Variants in ASB3 observed in about 807,000 individuals in gnomAD.
ASB3 encodes ankyrin repeat and SOCS box protein 3.
In ASB3, 41 loss-of-function variants were observed where a neutral mutation model predicts 54.5. That is an observed-to-expected ratio of 0.75 (90% confidence interval 0.59 to 0.98). The LOEUF (loss-of-function observed/expected upper bound fraction) is 0.98. ASB3 is among the 50% of genes least tolerant of loss of function. The pLI is 0.00. For synonymous variants in ASB3, 266 were observed against 221.2 expected, an observed-to-expected ratio of 1.20 and a Z score of -1.80; for missense variants, 733 against 620.0, an observed-to-expected ratio of 1.18 and a Z score of -1.94.
intron 9 of ASB3, among the ~76,000 whole-genome samples, chr2:53,675,024 T>C (rs1325875999): frequency 6.6e-6 from 1 of 152,196 alleles, no homozygotes; most frequent in East Asian, 1.9e-4. Context: ...ACTAGCTGTG[T>C]GACCCTGGGC....
At chr2:53,763,286 G>A (rs1175519345) in intron 2 of ASB3, among the ~76,000 whole-genome samples, 1 of 152,182 alleles carries the variant, frequency 6.6e-6, no homozygotes, top group South Asian at 2.1e-4. Context: ...TTGAATCTGG[G>A]AGGTGGAGGT....
chr2:53,767,199 T>A (rs1187224317), intron 1 of ASB3: 9 of 152,128 alleles, frequency 5.9e-5, no homozygotes, highest in Non-Finnish European at 1.2e-4. Context: ...AACAAGCCAA[T>A]GATAATACTA....
chr2:53,759,977 C>G (rs1673053575), intron 2 of ASB3, among the ~76,000 whole-genome samples: 1 of 152,192 alleles, frequency 6.6e-6, no homozygotes, highest in Non-Finnish European at 1.5e-5. Flanking sequence ...CAGTCTTACT[C>G]TCCTGTCCTG....
At chr2:53,713,230 G>A (rs1184290536) in intron 7 of ASB3, among the ~76,000 whole-genome samples, 1 of 152,128 alleles carries the variant, frequency 6.6e-6, no homozygotes. Flanking sequence ...CATGGCAAAT[G>A]TTAAGAGATA....
chr2:53,710,856 G>A (rs1670054056), intron 7 of ASB3, among the ~76,000 whole-genome samples: 1 of 152,118 alleles, frequency 6.6e-6, no homozygotes, highest in Non-Finnish European at 1.5e-5. Context: ...GCTGGGTGCT[G>A]TGGCTCACGC....
chr2:53,719,316 G>A (rs1002479172), intron 5 of ASB3, among the ~76,000 whole-genome samples: 11 of 152,212 alleles, frequency 7.2e-5, no homozygotes, highest in Admixed American at 1.3e-4. Context: ...AGAGCTTTGA[G>A]AGGCCGAAGT....
intron 5 of ASB3, among the ~76,000 whole-genome samples, chr2:53,719,290 T>A (rs950181503): frequency 4.6e-5 from 7 of 152,188 alleles, no homozygotes; most frequent in Non-Finnish European, 8.8e-5. Context: ...GCACAGTGGC[T>A]CACGCCTATA....
chr2:53,746,791 T>C (rs901257350), intron 3 of ASB3, among the ~76,000 whole-genome samples: 2 of 152,162 alleles, frequency 1.3e-5, no homozygotes, highest in African/African-American at 2.4e-5. Flanking sequence ...TTCCACATTA[T>C]GTTTTTACAA....
intron 1 of ASB3, among the ~76,000 whole-genome samples, chr2:53,772,734 G>A (rs974964064): frequency 7.2e-5 from 11 of 152,130 alleles, no homozygotes; most frequent in African/African-American, 2.4e-4. Flanking sequence ...GAGTACATGT[G>A]CAGGATGTGC....
At chr2:53,784,859 G>A (rs946289016) in intron 1 of ASB3, among the ~76,000 whole-genome samples, 1 of 152,020 alleles carries the variant, frequency 6.6e-6, no homozygotes, top group African/African-American at 2.4e-5. Flanking sequence ...TCTTTTTGGG[G>A]AACACAATTC....
intron 1 of ASB3, among the ~76,000 whole-genome samples, chr2:53,778,413 T>G (rs1277263392): frequency 6.6e-6 from 1 of 152,190 alleles, no homozygotes; most frequent in Non-Finnish European, 1.5e-5. Context: ...ATTTTTTTTG[T>G]AGTGAAAACT....
intron 3 of ASB3, among the ~76,000 whole-genome samples, chr2:53,744,013 A>G (rs1417088101): frequency 1.3e-5 from 2 of 151,474 alleles, no homozygotes; most frequent in Non-Finnish European, 2.9e-5. Context: ...ACTGCACTCC[A>G]GCCTGGGTGA....
At chr2:53,758,099 A>T (rs1672936824) in intron 2 of ASB3, among the ~76,000 whole-genome samples, 1 of 152,260 alleles carries the variant, frequency 6.6e-6, no homozygotes, top group Non-Finnish European at 1.5e-5. Flanking sequence ...TTTAAAAGCC[A>T]GGGTAAATTT....
At chr2:53,738,594 T>G (rs1332899266) in intron 3 of ASB3, among the ~76,000 whole-genome samples, 1 of 152,144 alleles carries the variant, frequency 6.6e-6, no homozygotes, top group African/African-American at 2.4e-5. Flanking sequence ...GTCTAGAGAT[T>G]AGAATTGAAT....
intron 9 of ASB3, 35 bp downstream of exon 9, chr2:53,693,849 G>C (rs371065314): frequency 1.9e-6 from 3 of 1,601,334 alleles, no homozygotes; most frequent in African/African-American, 2.7e-5. Context: ...AGAAGGAAAA[G>C]TAGTGAAGTG....
intron 1 of ASB3, among the ~76,000 whole-genome samples, chr2:53,775,347 G>C (rs558972413): frequency 6.6e-6 from 1 of 152,006 alleles, no homozygotes; most frequent in Non-Finnish European, 1.5e-5. Flanking sequence ...ATTTGTGTGT[G>C]TGTGTGTGTA....
chr2:53,753,506 A>T (rs1049826996), intron 2 of ASB3, among the ~76,000 whole-genome samples: 2 of 152,226 alleles, frequency 1.3e-5, no homozygotes, highest in African/African-American at 4.8e-5. Flanking sequence ...CTAGACACGG[A>T]AACAACTATA....
intron 1 of ASB3, among the ~76,000 whole-genome samples, chr2:53,779,790 G>A (rs1282830933): frequency 1.3e-5 from 2 of 152,156 alleles, no homozygotes; most frequent in African/African-American, 4.8e-5. Context: ...AAGGTCTGCC[G>A]CTTACTCTGT....
At position 53,716,636 on chromosome 2, in the gene ASB3, G is replaced by T. The variant is rs1175632103; in HGVS notation, c.712C>A (p.Pro238Thr). 6.2e-7 allele frequency: 1 copy of T among 1,614,020 alleles called. No homozygotes were observed. The highest frequency in any genetic ancestry group is 1.3e-5 in the African/African-American group (1 of 74,914). ...VELLLSSGAD[P>T]DLYCNEDSWQ... ...CTGTCCTCATTACAGTAAAGATCAG[G>T]ATCTGCCCCACTGGAGAGCAAAAGC... is the stretch of plus-strand genomic sequence containing the variant. The change falls in exon 6 of 10, where the codon CCT becomes ACT. Residue 238 changes from proline to threonine, a missense_variant. By Grantham distance (38) the Pro-to-Thr change is conservative. Coordinates refer to ENST00000263634, the MANE Select transcript of ASB3 (RefSeq NM_016115.5).
Sources: allele counts gnomAD v4.1 joint callset (sites outside exome capture counted in the v4.1 genomes callset), GRCh38; gene constraint gnomAD v4.1.1; transcripts MANE v1.5; gene names NCBI Gene and HGNC (gene_info 2026-07-23, HGNC 2026-07-21).